The following PDE4D variants were observed in gnomAD, a reference collection of about 807,000 sequenced individuals.
PDE4D encodes the protein phosphodiesterase 4D.
Under a neutral mutation model 87.4 loss-of-function variants are expected in PDE4D, and 24 were observed. The observed-to-expected ratio is 0.27, with a 90% CI of 0.20 to 0.39. The LOEUF (loss-of-function observed/expected upper bound fraction) is 0.39. PDE4D is among the 10% of genes least tolerant of loss of function. The pLI is 1.00. For missense variants in PDE4D, 714 were observed against 1,041.0 expected, an observed-to-expected ratio of 0.69 and a Z score of 4.32; for synonymous variants, 384 against 383.2, an observed-to-expected ratio of 1.00 and a Z score of -0.02.
At chr5:59,856,555 T>C (rs767676910) in intron 1 of PDE4D, among the ~76,000 whole-genome samples, 4 of 152,208 alleles carry the variant, frequency 2.6e-5, no homozygotes, top group Non-Finnish European at 5.9e-5. Flanking sequence ...AGTAATTTTG[T>C]AATTGCCTTA....
At chr5:59,223,310 A>G (rs1752972391) in intron 1 of PDE4D, among the ~76,000 whole-genome samples, 1 of 152,156 alleles carries the variant, frequency 6.6e-6, no homozygotes, top group Non-Finnish European at 1.5e-5. Flanking sequence ...AGCTGAATAT[A>G]ATGAGCAGAA....
At chr5:59,950,400 GATTTA>G (rs1339407664) in intron 3 of PDE4D, among the ~76,000 whole-genome samples, 2 of 152,092 alleles carry the variant, frequency 1.3e-5, no homozygotes, top group East Asian at 1.9e-4. Context: ...TTTGATAAAT[GATTTA>G]ATTTATTTTA....
chr5:59,980,122 C>G (rs1761761502), intron 3 of PDE4D, among the ~76,000 whole-genome samples: 1 of 152,220 alleles, frequency 6.6e-6, no homozygotes, highest in South Asian at 2.1e-4. Flanking sequence ...TTTTTACCTG[C>G]ATTTTTTTCA....
chr5:60,387,068 A>C (rs1254116884), intron 1 of PDE4D, among the ~76,000 whole-genome samples: 1 of 152,216 alleles, frequency 6.6e-6, no homozygotes, highest in East Asian at 1.9e-4. Flanking sequence ...GTTGCCTCTC[A>C]TCACCTGTGT....
intron 1 of PDE4D, chr5:59,276,245 C>T: frequency 6.6e-6 from 3 of 454,388 alleles, no homozygotes; most frequent in Non-Finnish European, 8.7e-6. Flanking sequence ...GCCAAGCAGA[C>T]AAGAGACCTC....
chr5:59,885,722 C>A (rs1750045914), intron 1 of PDE4D, among the ~76,000 whole-genome samples: 1 of 120,820 alleles, frequency 8.3e-6, no homozygotes, highest in Admixed American at 9.2e-5. Flanking sequence ...TTCACTCTTA[C>A]ATGTTGTTTT....
intron 1 of PDE4D, among the ~76,000 whole-genome samples, chr5:59,732,817 T>C (rs568306894): frequency 2.0e-5 from 3 of 152,294 alleles, no homozygotes; most frequent in East Asian, 3.9e-4. Flanking sequence ...ATTATGTAAA[T>C]ATGACCTTTA....
intron 3 of PDE4D, among the ~76,000 whole-genome samples, chr5:59,915,422 C>A (rs1243167915): frequency 6.6e-6 from 1 of 152,086 alleles, no homozygotes; most frequent in Non-Finnish European, 1.5e-5. Flanking sequence ...TAATAACTGA[C>A]ATTAGTTATT....
chr5:59,238,370 G>C (rs1426971023), intron 1 of PDE4D, among the ~76,000 whole-genome samples: 2 of 152,118 alleles, frequency 1.3e-5, no homozygotes, highest in Admixed American at 6.6e-5. Context: ...TTTGCATTTG[G>C]AATAGTAGGT....
intron 5 of PDE4D, among the ~76,000 whole-genome samples, chr5:59,137,514 A>G (rs1777245332): frequency 6.7e-6 from 1 of 150,002 alleles, no homozygotes; most frequent in Non-Finnish European, 1.5e-5. Flanking sequence ...ATATTTTAAG[A>G]GGGAAAGTTT....
At chr5:60,271,113 T>A (rs1333493570) in intron 1 of PDE4D, among the ~76,000 whole-genome samples, 2 of 152,244 alleles carry the variant, frequency 1.3e-5, no homozygotes, top group East Asian at 3.8e-4. Flanking sequence ...TATTGGAAGC[T>A]GTTTTCACAT....
chr5:59,083,224 G>T (rs1464495540), intron 5 of PDE4D, among the ~76,000 whole-genome samples: 1 of 151,814 alleles, frequency 6.6e-6, no homozygotes, highest in Non-Finnish European at 1.5e-5. Flanking sequence ...TGAGAAGTTT[G>T]ATACCTTTGA....
intron 1 of PDE4D, among the ~76,000 whole-genome samples, chr5:59,420,667 T>C (rs916806186): frequency 6.5e-5 from 9 of 139,270 alleles, no homozygotes; most frequent in Non-Finnish European, 1.2e-4. Flanking sequence ...CTTGATGTCA[T>C]AGCCACTGGA....
At position 59,879,000 on chromosome 5, in the gene PDE4D, G is replaced by A. The variant is rs190723649; in HGVS notation, c.455+14168C>T. Among the ~76,000 whole-genome samples the A allele has an allele frequency of 5.7e-3, 789 of 138,222 alleles. 9 individuals are homozygous for A. The highest frequency in any genetic ancestry group is 0.02 in the African/African-American group (757 of 37,642). 90.7% of individuals were successfully genotyped at this position (138,222 alleles called of 152,430 possible). On this transcript the variant is annotated intron_variant, in intron 1 of 14. Transcript: ENST00000340635. ...TGCAAGCTCCGCCTCCTGGGTTCACGCCATTCTCCTGCCTCAGCCTCCCAA... is the reference window on the plus strand; with the variant it reads ...TGCAAGCTCCGCCTCCTGGGTTCACACCATTCTCCTGCCTCAGCCTCCCAA...
At chr5:59,472,880 A>T (rs894953810) in intron 1 of PDE4D, among the ~76,000 whole-genome samples, 1 of 152,142 alleles carries the variant, frequency 6.6e-6, no homozygotes, top group Non-Finnish European at 1.5e-5. Flanking sequence ...TCAACATAGG[A>T]GGAAAGTAAG....
chr5:59,195,557 G>T (rs1429201240), intron 2 of PDE4D, among the ~76,000 whole-genome samples: 1 of 152,220 alleles, frequency 6.6e-6, no homozygotes, highest in African/African-American at 2.4e-5. Context: ...GCCCTTGTAT[G>T]AAATGTACAA....
chr5:60,316,362 C>T (rs142719693), intron 1 of PDE4D, among the ~76,000 whole-genome samples: 14,932 of 152,056 alleles, frequency 0.098, 995 homozygotes, highest in South Asian at 0.28. Flanking sequence ...CTGAAGTTGC[C>T]TATCAGCTTA....
At chr5:59,557,494 A>G (rs1296820649) in intron 1 of PDE4D, among the ~76,000 whole-genome samples, 1 of 150,684 alleles carries the variant, frequency 6.6e-6, no homozygotes, top group African/African-American at 2.4e-5. Context: ...GGGCAGGGTT[A>G]AAGATTGTGG....
chr5:59,571,441 G>T (rs62357530), intron 1 of PDE4D, among the ~76,000 whole-genome samples: 11,328 of 152,256 alleles, frequency 0.074, 599 homozygotes, highest in Admixed American at 0.14. Flanking sequence ...TTACCCAAAG[G>T]AGCTGCTTAT....
Sources: allele counts gnomAD v4.1 joint callset (sites outside exome capture counted in the v4.1 genomes callset), GRCh38; gene constraint gnomAD v4.1.1; transcripts MANE v1.5; gene names NCBI Gene and HGNC (gene_info 2026-07-23, HGNC 2026-07-21).